RFX3: variants seen among roughly 807,000 people sequenced by gnomAD.
RFX3 encodes the protein regulatory factor X3, also known as transcription factor RFX3.
RFX3 carries 14 observed loss-of-function variants against 98.6 expected under a neutral mutation model. The ratio of observed to expected loss-of-function variants is 0.14; its 90% CI spans 0.09 to 0.22. The LOEUF (loss-of-function observed/expected upper bound fraction) is 0.22, where lower values mean the gene tolerates loss of function less well. Ranked by LOEUF, RFX3 falls within the 10% of genes least tolerant of loss-of-function variation. The pLI, the probability that RFX3 is intolerant of heterozygous loss-of-function variation, is 1.00. For missense variants in RFX3, 639 were observed against 926.9 expected, an observed-to-expected ratio of 0.69 and a Z score of 4.03; for synonymous variants, 383 against 328.4, an observed-to-expected ratio of 1.17 and a Z score of -1.80.
chr9:3,361,938 C>G (rs562371664), intron 2 of RFX3, among the ~76,000 whole-genome samples: 1 of 152,182 alleles, frequency 6.6e-6, no homozygotes, highest in Non-Finnish European at 1.5e-5. Context: ...CAGAGCAAGA[C>G]CCTGTCTCAA....
intron 3 of RFX3, among the ~76,000 whole-genome samples, chr9:3,346,406 C>G (rs1359641564): frequency 6.6e-6 from 1 of 152,008 alleles, no homozygotes; most frequent in Admixed American, 6.5e-5. Flanking sequence ...TACATTTTTT[C>G]TCTACATAGG....
chr9:3,259,273 G>A (rs1002247765), intron 13 of RFX3, among the ~76,000 whole-genome samples: 8 of 152,022 alleles, frequency 5.3e-5, no homozygotes, highest in Non-Finnish European at 7.4e-5. Context: ...TTACTTGGCA[G>A]TTAGTTTTTG....
intron 1 of RFX3, among the ~76,000 whole-genome samples, chr9:3,451,721 C>CAGGT (rs1846653850): frequency 2.0e-5 from 3 of 151,920 alleles, no homozygotes; most frequent in Admixed American, 1.3e-4. Flanking sequence ...GTGGATAAAC[C>CAGGT]TATTAATAAT....
intron 15 of RFX3, among the ~76,000 whole-genome samples, chr9:3,233,818 G>C (rs1361949451): frequency 5.2e-5 from 6 of 115,940 alleles, no homozygotes; most frequent in East Asian, 2.8e-4. Flanking sequence ...AAAGTACTTC[G>C]CATAGTGCCT....
chr9:3,345,736 A>G (rs371615406), intron 3 of RFX3, among the ~76,000 whole-genome samples: 37 of 152,330 alleles, frequency 2.4e-4, no homozygotes, highest in African/African-American at 8.7e-4. Context: ...AATAATAGAT[A>G]ACAACAACTG....
At chr9:3,445,629 T>C (rs891950103) in intron 1 of RFX3, among the ~76,000 whole-genome samples, 10 of 152,172 alleles carry the variant, frequency 6.6e-5, no homozygotes, top group Non-Finnish European at 1.2e-4. Context: ...CCAATTTATT[T>C]TTTAAAAATA....
chr9:3,419,570 T>A (rs944565867), intron 1 of RFX3, among the ~76,000 whole-genome samples: 1 of 152,188 alleles, frequency 6.6e-6, no homozygotes, highest in Non-Finnish European at 1.5e-5. Flanking sequence ...AGTATCAACT[T>A]ATCCTGCTGT....
intron 4 of RFX3, among the ~76,000 whole-genome samples, chr9:3,314,600 C>A (rs943471444): frequency 6.6e-6 from 1 of 152,046 alleles, no homozygotes; most frequent in Non-Finnish European, 1.5e-5. Flanking sequence ...GACTCAAGAC[C>A]CATCAGCGTG....
intron 3 of RFX3, among the ~76,000 whole-genome samples, chr9:3,332,845 G>A (rs774031665): frequency 6.6e-6 from 1 of 152,104 alleles, no homozygotes; most frequent in Admixed American, 6.6e-5. Context: ...TGCCTGAAAG[G>A]CCCTTTCATT....
chr9:3,245,586 G>C (rs1448310763), intron 15 of RFX3, among the ~76,000 whole-genome samples: 2 of 152,136 alleles, frequency 1.3e-5, no homozygotes, highest in Non-Finnish European at 2.9e-5. Flanking sequence ...AGTCAAGATA[G>C]AAGGACATAA....
chr9:3,338,808 G>C (rs935725847), intron 3 of RFX3, among the ~76,000 whole-genome samples: 9 of 152,168 alleles, frequency 5.9e-5, no homozygotes, highest in African/African-American at 2.2e-4. Context: ...ATTTATTCTA[G>C]GCCAGGCACG....
At chr9:3,458,106 CTG>C (rs1285898255) in intron 1 of RFX3, among the ~76,000 whole-genome samples, 1 of 152,086 alleles carries the variant, frequency 6.6e-6, no homozygotes. Context: ...AAAAAGGACA[CTG>C]TTTTCATGCA....
chr9:3,295,793 C>T lies in RFX3; in HGVS notation c.550-2535G>A, dbSNP rs1333954. ...AAGACATATCATATAGAAAAATCTTCATTTAAAGGGCATTTTTTTAAAGAA... is the reference window on the plus strand; with the variant it reads ...AAGACATATCATATAGAAAAATCTTTATTTAAAGGGCATTTTTTTAAAGAA... On this transcript the variant is annotated intron_variant, in intron 5 of 16. Transcript: ENST00000617270. Among the ~76,000 whole-genome samples the T allele has an allele frequency of 3.3e-5, 5 of 151,866 alleles. No individual in the cohort carries two copies. The South Asian group carries it at 1.0e-3, about 32-fold the overall frequency.
chr9:3,367,835 T>C (rs373299152), intron 2 of RFX3, among the ~76,000 whole-genome samples: 8 of 152,162 alleles, frequency 5.3e-5, no homozygotes, highest in East Asian at 1.9e-4. Context: ...TACAAGCAAA[T>C]TGAAAACTAA....
At position 3,256,122 on chromosome 9, in the gene RFX3, A is replaced by G. The variant is rs374019187; in HGVS notation, c.1814+869T>C. Among the ~76,000 whole-genome samples the G allele has an allele frequency of 6.2e-4, 94 of 152,174 alleles. No individual in the cohort carries two copies. The South Asian group carries it at 0.018, about 29-fold the overall frequency. ...GCTGGGACTACAGGCAACCCCAACC[A>G]TGCCCCGCTAATTTTGTTTTTGTAT... On this transcript the variant is annotated intron_variant, in intron 14 of 16. Coordinates refer to ENST00000617270, the MANE Select transcript of RFX3 (RefSeq NM_001282116.2).
intron 7 of RFX3, among the ~76,000 whole-genome samples, chr9:3,280,437 C>T (rs1825789522): frequency 6.6e-6 from 1 of 151,730 alleles, no homozygotes; most frequent in South Asian, 2.1e-4. Context: ...TAGAAAAAAT[C>T]CCCAGAAATC....
chr9:3,502,201 G>C lies in RFX3; in HGVS notation c.-9+23546C>G, dbSNP rs1023489105. 4.6e-5 allele frequency among the ~76,000 whole-genome samples: 7 copies of C among 151,620 alleles called. No individual in the cohort carries two copies. In the South Asian group the frequency reaches 1.5e-3, roughly 32 times the overall value. ...GTGAACCCGGGAGGCGGAGCTTGCA[G>C]TGAGCCCACATCACGCACTGCACTC... On this transcript the variant is annotated intron_variant, in intron 1 of 16. Coordinates refer to ENST00000617270, the MANE Select transcript of RFX3 (RefSeq NM_001282116.2).
rs542952670 is a variant in RFX3 at position 3,409,950 on chromosome 9, A to G, written c.-8-14354T>C. On this transcript the variant is annotated intron_variant, in intron 1 of 16. Coordinates refer to ENST00000617270, the MANE Select transcript of RFX3 (RefSeq NM_001282116.2). ...AGTCAAAAGCTCTTTCTAATAGGCT[A>G]TGGTTAATAGGAGAAGAAAGGAGGA... Among the ~76,000 whole-genome samples the G allele has an allele frequency of 2.0e-5, 3 of 152,248 alleles. No individual in the cohort carries two copies. In the South Asian group the frequency reaches 6.2e-4, roughly 32 times the overall value.
chr9:3,508,338 C>T (rs1273161454), intron 1 of RFX3, among the ~76,000 whole-genome samples: 1 of 151,814 alleles, frequency 6.6e-6, no homozygotes, highest in African/African-American at 2.4e-5. Flanking sequence ...ATTACACTTT[C>T]AATATTTGTA....
Sources: gnomAD v4.1 joint callset for allele counts (sites outside exome capture counted in the v4.1 genomes callset) on GRCh38, gnomAD v4.1.1 for gene constraint, MANE v1.5 for transcripts, NCBI Gene and HGNC (gene_info 2026-07-23, HGNC 2026-07-21) for gene names.